ATXN7L1: variants seen among roughly 807,000 people sequenced by gnomAD.
ATXN7L1 encodes ataxin-7-like protein 1.
A neutral mutation model predicts 70.8 loss-of-function variants in ATXN7L1; 15 were observed. The observed-to-expected ratio is 0.21, with a 90% confidence interval of 0.14 to 0.33. The LOEUF (loss-of-function observed/expected upper bound fraction) is 0.33, where lower values mean the gene tolerates loss of function less well. Among genes scored for constraint, ATXN7L1 ranks in the 10% least tolerant of loss-of-function variants. The pLI is 1.00. For missense variants in ATXN7L1, 975 were observed against 1,097.1 expected (o/e 0.89, Z 1.57); for synonymous variants, 440 against 445.1 (o/e 0.99, Z 0.14).
At chr7:105,817,967 T>C (rs7786065) in intron 2 of ATXN7L1, among the ~76,000 whole-genome samples, 3,109 of 152,312 alleles carry the variant, frequency 0.02, 105 homozygotes, top group African/African-American at 0.069. Flanking sequence ...TAGAATGTTC[T>C]TTGTGCTATT....
Position 105,638,434 on chromosome 7 carries a change from A to G in ATXN7L1, c.1121T>C (p.Leu374Pro). The G allele has an allele frequency of 1.3e-6, 2 of 1,552,352 alleles. No homozygotes were observed. The highest frequency in any genetic ancestry group is 1.4e-5 in the African/African-American group (1 of 73,156). ...SQSGPAQDSL[L>P]GSSGSSGPEP... ...TGGCCCAGAGCTCCCTGAAGACCCT[A>G]GCAGAGAATCCTGTGCCGGCCCGGA... The change falls in exon 7 of 12, where the codon CTA (leucine) becomes CCA (proline). Residue 374 changes from leucine to proline, a missense_variant. Leu to Pro is a moderately conservative substitution (Grantham distance 98). Around this residue, in one of 5 missense-constraint regions of ATXN7L1, gnomAD observed 635 missense variants for 699.4 expected, o/e 0.91. Transcript: ENST00000419735.
intron 3 of ATXN7L1, among the ~76,000 whole-genome samples, chr7:105,722,828 T>G (rs1185740125): frequency 1.3e-5 from 2 of 152,010 alleles, no homozygotes; most frequent in African/African-American, 4.8e-5. Context: ...GAGGTTGCAG[T>G]GAGCTGAGAT....
At chr7:105,710,460 T>G (rs1274006954) in intron 3 of ATXN7L1, among the ~76,000 whole-genome samples, 1 of 143,452 alleles carries the variant, frequency 7.0e-6, no homozygotes, top group Non-Finnish European at 1.5e-5. Flanking sequence ...CAGGCTGCAG[T>G]GCAGTGGCGT....
intron 2 of ATXN7L1, among the ~76,000 whole-genome samples, chr7:105,854,628 C>T (rs1815443530): frequency 6.6e-6 from 1 of 151,938 alleles, no homozygotes; most frequent in South Asian, 2.1e-4. Flanking sequence ...ACCATAATTT[C>T]AAGCAGTTCA....
chr7:105,742,294 T>C (rs1798097256), intron 3 of ATXN7L1, among the ~76,000 whole-genome samples: 1 of 152,234 alleles, frequency 6.6e-6, no homozygotes, highest in Non-Finnish European at 1.5e-5. Flanking sequence ...ACCAGCCTTT[T>C]TGTTGGTGTT....
Position 105,614,953 on chromosome 7 carries a change from G to A in ATXN7L1, c.1518-137C>T. On this transcript the variant is annotated intron_variant, in intron 9 of 11. Transcript: ENST00000419735. The surrounding 1 kb of genome is among the most constrained non-coding windows in gnomAD (Gnocchi z 4.3). Reference sequence around the variant, plus strand: ...AGACTATGGAGAATGGAGCCTTGAAGGATGGGAGAATCTGAAGCATGGCCC... The same window carrying A: ...AGACTATGGAGAATGGAGCCTTGAAAGATGGGAGAATCTGAAGCATGGCCC... The A allele has an allele frequency of 9.4e-7, 1 of 1,068,696 alleles. No individual in the cohort carries two copies. The highest frequency in any genetic ancestry group is 1.3e-6 in the Non-Finnish European group (1 of 767,610). 66.2% of individuals were successfully genotyped at this position (1,068,696 alleles called of 1,614,324 possible).
In ATXN7L1 at chr7:105,695,082, C is replaced by T. The variant is rs190823193; in HGVS notation, c.356-29794G>A. On this transcript the variant is annotated intron_variant, in intron 3 of 11. Coordinates refer to ENST00000419735, the MANE Select transcript of ATXN7L1 (RefSeq NM_020725.2). Reference sequence around the variant, plus strand: ...AGGAGAATTGCTTGAATCTGGGAGGCGGAGGTTGCAGTGAGCCGAGATCAC... The same window carrying T: ...AGGAGAATTGCTTGAATCTGGGAGGTGGAGGTTGCAGTGAGCCGAGATCAC... 5.6e-5 allele frequency among the ~76,000 whole-genome samples: 8 copies of T among 143,070 alleles called. No homozygotes were observed. The East Asian group carries it at 8.5e-4, about 15-fold the overall frequency. The allele number at this position is 143,070 out of a possible 152,430, so 93.9% of individuals were successfully genotyped here. A position where few individuals can be genotyped will look rare whatever the true frequency, so the allele number is the denominator to read the frequency against.
At chr7:105,813,632 C>T (rs1266653466) in intron 2 of ATXN7L1, among the ~76,000 whole-genome samples, 1 of 152,280 alleles carries the variant, frequency 6.6e-6, no homozygotes, top group East Asian at 1.9e-4. Flanking sequence ...CCACTGTGCT[C>T]GGCCCACAAT....
intron 4 of ATXN7L1, among the ~76,000 whole-genome samples, chr7:105,653,775 T>C (rs1029656470): frequency 1.3e-5 from 2 of 151,972 alleles, no homozygotes; most frequent in African/African-American, 4.8e-5. Context: ...CCTTCTCCTG[T>C]AGCCTCGCTG....
chr7:105,680,423 A>C (rs1441437452), intron 3 of ATXN7L1, among the ~76,000 whole-genome samples: 1 of 152,112 alleles, frequency 6.6e-6, no homozygotes, highest in East Asian at 1.9e-4. Context: ...CCTCTTGTTG[A>C]GAGAGTTTCT....
At chr7:105,732,792 C>A (rs925698487) in intron 3 of ATXN7L1, among the ~76,000 whole-genome samples, 1 of 152,194 alleles carries the variant, frequency 6.6e-6, no homozygotes, top group Admixed American at 6.5e-5. Flanking sequence ...CTGTCTGCCT[C>A]GTTTACTTCC....
chr7:105,727,047 A>G (rs1795896987), intron 3 of ATXN7L1, among the ~76,000 whole-genome samples: 1 of 152,200 alleles, frequency 6.6e-6, no homozygotes, highest in African/African-American at 2.4e-5. Context: ...AAAACTAGCA[A>G]TCTGGTTCTC....
intron 2 of ATXN7L1, among the ~76,000 whole-genome samples, chr7:105,790,574 C>G (rs186034336): frequency 1.2e-4 from 19 of 152,038 alleles, no homozygotes; most frequent in Non-Finnish European, 2.2e-4. Flanking sequence ...GAGTGAGACC[C>G]TGTCTCAGAA....
intron 4 of ATXN7L1, among the ~76,000 whole-genome samples, chr7:105,664,369 C>CA (rs1313597207): frequency 9.9e-5 from 15 of 151,384 alleles, no homozygotes; most frequent in African/African-American, 3.6e-4. Flanking sequence ...CAACTTGGCT[C>CA]AACTCTCAAG....
chr7:105,672,987 C>T (rs1804006020), intron 3 of ATXN7L1, among the ~76,000 whole-genome samples: 1 of 152,208 alleles, frequency 6.6e-6, no homozygotes, highest in African/African-American at 2.4e-5. Flanking sequence ...TTCAAGACCA[C>T]CTGCTTCCCC....
intron 3 of ATXN7L1, among the ~76,000 whole-genome samples, chr7:105,679,880 C>A (rs1805309793): frequency 6.6e-6 from 1 of 151,708 alleles, no homozygotes; most frequent in Non-Finnish European, 1.5e-5. Flanking sequence ...CTGAATTGTA[C>A]ATTTTAAAAT....
chr7:105,847,052 T>C (rs763508786), intron 2 of ATXN7L1, among the ~76,000 whole-genome samples: 1 of 152,252 alleles, frequency 6.6e-6, no homozygotes, highest in African/African-American at 2.4e-5. Flanking sequence ...GTTGTACCAC[T>C]TGTGAATATA....
intron 5 of ATXN7L1, among the ~76,000 whole-genome samples, chr7:105,640,903 T>C (rs974529733): frequency 6.6e-6 from 1 of 152,134 alleles, no homozygotes; most frequent in African/African-American, 2.4e-5. Context: ...TGGTAGAGGG[T>C]GTACAGAAAT....
At chr7:105,648,278 G>C (rs1184689770) in intron 4 of ATXN7L1, among the ~76,000 whole-genome samples, 2 of 152,124 alleles carry the variant, frequency 1.3e-5, no homozygotes, top group African/African-American at 4.8e-5. Flanking sequence ...TTTTTCTTTG[G>C]TGTCCCTTCT....
Sources: gnomAD v4.1 joint callset for allele counts (sites outside exome capture counted in the v4.1 genomes callset) on GRCh38, gnomAD v4.1.1 for gene constraint, gnomAD v4.1.1 regional missense constraint, Gnocchi (gnomAD v3.1) non-coding constraint, MANE v1.5 for transcripts, NCBI Gene and HGNC (gene_info 2026-07-23, HGNC 2026-07-21) for gene names.